GALNTL6: variants seen among roughly 807,000 people sequenced by gnomAD.
GALNTL6 encodes polypeptide N-acetylgalactosaminyltransferase like 6.
In GALNTL6, 46 loss-of-function variants were observed where a neutral mutation model predicts 73.7. The ratio of observed to expected loss-of-function variants is 0.62; its 90% CI spans 0.49 to 0.80. The LOEUF (loss-of-function observed/expected upper bound fraction) is 0.80. GALNTL6 is among the 30% of genes least tolerant of loss of function. The pLI, the probability that GALNTL6 is intolerant of heterozygous loss-of-function variation, is 0.00. For missense variants in GALNTL6, 604 were observed against 755.0 expected (o/e 0.80, Z 2.34); for synonymous variants, 259 against 263.7 (o/e 0.98, Z 0.17).
chr4:172,265,050 G>C (rs927702326), intron 3 of GALNTL6, among the ~76,000 whole-genome samples: 1 of 151,770 alleles, frequency 6.6e-6, no homozygotes, highest in African/African-American at 2.4e-5. Flanking sequence ...TTGAGAATAA[G>C]AAAATGCTAC....
chr4:171,916,231 C>A (rs1737622765), intron 2 of GALNTL6, among the ~76,000 whole-genome samples: 1 of 151,582 alleles, frequency 6.6e-6, no homozygotes. Context: ...GTTTTGGGAT[C>A]TAAAATATCT....
rs1049655802 is a variant in GALNTL6 at position 172,218,343 on chromosome 4, T to A, written c.139-11313T>A. On this transcript the variant is annotated intron_variant, in intron 2 of 12. Transcript: ENST00000506823. ...TCTAGGCATATTTTACAAAGGTTAC[T>A]TTTTCTTTCCCTATGCCAGAACCAT... Among the ~76,000 whole-genome samples the A allele has an allele frequency of 2.0e-5, 3 of 152,146 alleles. No individual in the cohort carries two copies. In the South Asian group the frequency reaches 6.2e-4, roughly 32 times the overall value.
chr4:172,019,515 A>G (rs1741330181), intron 2 of GALNTL6, among the ~76,000 whole-genome samples: 2 of 152,164 alleles, frequency 1.3e-5, no homozygotes, highest in African/African-American at 2.4e-5. Flanking sequence ...AGCAAGAATA[A>G]CAATACTTAT....
chr4:171,894,775 C>T (rs1174230383), intron 2 of GALNTL6, among the ~76,000 whole-genome samples: 1 of 152,146 alleles, frequency 6.6e-6, no homozygotes, highest in African/African-American at 2.4e-5. Flanking sequence ...CCTATTGTCA[C>T]ACCATGAGCT....
At chr4:172,394,428 C>CTTTTTT (rs201130774) in intron 5 of GALNTL6, among the ~76,000 whole-genome samples, 44 of 120,114 alleles carry the variant, frequency 3.7e-4, no homozygotes, top group Non-Finnish European at 5.4e-4. Context: ...TCTTCTTCTT[C>CTTTTTT]TTTTTTTTTT....
At chr4:172,339,257 C>CCACACACACACACACACACACACACA (rs70941402) in intron 4 of GALNTL6, among the ~76,000 whole-genome samples, 2 of 120,952 alleles carry the variant, frequency 1.7e-5, no homozygotes, top group Admixed American at 8.4e-5. Context: ...CACACACACA[C>CCACACACACACACACACACACACACA]CACACACACA....
At chr4:172,612,895 A>T (rs968464079) in intron 5 of GALNTL6, among the ~76,000 whole-genome samples, 1 of 152,110 alleles carries the variant, frequency 6.6e-6, no homozygotes, top group Admixed American at 6.6e-5. Context: ...AAATGAAAAA[A>T]GAACAGAGCC....
chr4:171,913,540 T>TA (rs1737530572), intron 2 of GALNTL6, among the ~76,000 whole-genome samples: 1 of 152,218 alleles, frequency 6.6e-6, no homozygotes, highest in Non-Finnish European at 1.5e-5. Context: ...CTAATGAGCA[T>TA]TTCTTCAGAA....
At chr4:172,143,474 T>C (rs1733851926) in intron 2 of GALNTL6, among the ~76,000 whole-genome samples, 1 of 152,074 alleles carries the variant, frequency 6.6e-6, no homozygotes, top group African/African-American at 2.4e-5. Flanking sequence ...TCTGTGTGTT[T>C]GGTAGGTTTG....
intron 5 of GALNTL6, among the ~76,000 whole-genome samples, chr4:172,686,921 T>G (rs1200261304): frequency 6.6e-6 from 1 of 152,208 alleles, no homozygotes; most frequent in Non-Finnish European, 1.5e-5. Flanking sequence ...AAATTCCTTA[T>G]AGGAGCATCA....
At chr4:172,143,228 C>A (rs937022112) in intron 2 of GALNTL6, among the ~76,000 whole-genome samples, 2 of 151,734 alleles carry the variant, frequency 1.3e-5, no homozygotes, top group African/African-American at 2.4e-5. Context: ...TTTATTTTTC[C>A]TAAGTAATTT....
chr4:171,830,928 G>T (rs376727649), intron 2 of GALNTL6, among the ~76,000 whole-genome samples: 1 of 151,854 alleles, frequency 6.6e-6, no homozygotes, highest in African/African-American at 2.4e-5. Flanking sequence ...TAACTACCAC[G>T]GCAATTTAGG....
intron 5 of GALNTL6, among the ~76,000 whole-genome samples, chr4:172,377,259 C>T (rs1743065963): frequency 6.6e-6 from 1 of 152,154 alleles, no homozygotes; most frequent in African/African-American, 2.4e-5. Flanking sequence ...AATCCCTGAG[C>T]TAGACACAGA....
chr4:172,871,015 C>T (rs2332607), intron 7 of GALNTL6, among the ~76,000 whole-genome samples: 151,692 of 152,310 alleles, frequency 1, 75,542 homozygotes, highest in Middle Eastern at 1. Flanking sequence ...GAGTGTTTCA[C>T]CTGCTGGCTC....
At chr4:171,973,313 C>T (rs1010453200) in intron 2 of GALNTL6, among the ~76,000 whole-genome samples, 4 of 152,108 alleles carry the variant, frequency 2.6e-5, no homozygotes, top group African/African-American at 7.2e-5. Flanking sequence ...CTAGAAGGCC[C>T]AAAACAATAG....
intron 5 of GALNTL6, among the ~76,000 whole-genome samples, chr4:172,419,877 G>A (rs1371663898): frequency 6.6e-6 from 1 of 152,056 alleles, no homozygotes; most frequent in African/African-American, 2.4e-5. Context: ...TCTGGCTTTT[G>A]TTTATCTGTT....
At chr4:172,806,329 C>T (rs1054383562) in intron 5 of GALNTL6, among the ~76,000 whole-genome samples, 16 of 152,144 alleles carry the variant, frequency 1.1e-4, no homozygotes, top group Admixed American at 4.6e-4. Context: ...TCACACTAAA[C>T]AATCTTTTTA....
intron 8 of GALNTL6, among the ~76,000 whole-genome samples, chr4:172,910,110 A>T (rs1436224779): frequency 1.3e-5 from 2 of 151,982 alleles, no homozygotes; most frequent in Non-Finnish European, 2.9e-5. Flanking sequence ...AAACATATAT[A>T]GTATATGTGA....
intron 5 of GALNTL6, among the ~76,000 whole-genome samples, chr4:172,598,907 A>G (rs12642055): frequency 0.46 from 69,665 of 151,902 alleles, 17,769 homozygotes; most frequent in East Asian, 0.68. Context: ...TTCAGAAAGA[A>G]CAAACTGGTA....
Sources: gnomAD v4.1 joint callset for allele counts (sites outside exome capture counted in the v4.1 genomes callset) on GRCh38, gnomAD v4.1.1 for gene constraint, MANE v1.5 for transcripts, NCBI Gene and HGNC (gene_info 2026-07-23, HGNC 2026-07-21) for gene names.